BPTF: variants seen among roughly 807,000 people sequenced by gnomAD.
BPTF encodes bromodomain PHD finger transcription factor.
BPTF carries 18 observed loss-of-function variants against 292.5 expected under a neutral mutation model. The observed-to-expected ratio is 0.06, with a 90% confidence interval of 0.04 to 0.09. The LOEUF is 0.09. BPTF is among the 10% of genes least tolerant of loss of function. The pLI, the probability that BPTF is intolerant of heterozygous loss-of-function variation, is 1.00. For synonymous variants in BPTF, 1,225 were observed against 1,251.9 expected, an observed-to-expected ratio of 0.98 and a Z score of 0.45; for missense variants, 2,726 against 3,498.7, an observed-to-expected ratio of 0.78 and a Z score of 5.57.
chr17:67,848,798 A>G (rs1391881180), intron 1 of BPTF, among the ~76,000 whole-genome samples: 1 of 152,186 alleles, frequency 6.6e-6, no homozygotes, highest in African/African-American at 2.4e-5. Flanking sequence ...GAATACCTAT[A>G]CATTGTAACA....
chr17:67,961,234 C>T (rs1235697681), intron 24 of BPTF, among the ~76,000 whole-genome samples: 3 of 152,158 alleles, frequency 2.0e-5, no homozygotes, highest in Admixed American at 6.5e-5. Flanking sequence ...CACACAGATA[C>T]ATGTGCCCAT....
chr17:67,928,335 C>G lies in BPTF; in HGVS notation c.5752-20C>G. The G allele has an allele frequency of 6.3e-7, 1 of 1,585,130 alleles. No individual in the cohort carries two copies. ...TTTAGAACTATTTTGATTCATGTTT[C>G]CTCTCCTTCACTTTTTTAGAAACGA... On this transcript the variant is annotated intron_variant, in intron 15 of 27. Transcript: ENST00000306378.
rs189859209 is a variant in BPTF, at chr17:67,967,547, C to T, written c.8539+891C>T. Among the ~76,000 whole-genome samples the T allele has an allele frequency of 8.6e-5, 13 of 150,548 alleles. No homozygotes were observed. The East Asian group carries it at 2.2e-3, about 26-fold the overall frequency. ...ATAATTACAAAAACATTGGAAATGG[C>T]GGGGTGGCTCACGCTGGAATCCCAG... On this transcript the variant is annotated intron_variant, in intron 26 of 27. Transcript: ENST00000306378.
Position 67,945,570 on chromosome 17 carries a change from C to A in BPTF, c.6862C>A (p.Pro2288Thr). The part of the protein sequence containing the change: ...QPQPQTQPQS[P>T]AQPEVQTQPE... ...CCAGCCCCAAACCCAGCCCCAGTCC[C>A]CAGCTCAGCCTGAAGTTCAGACTCA... Residue 2288 changes from proline to threonine, a missense_variant, in exon 21 of 28, where the codon CCA becomes ACA. Pro to Thr is a conservative substitution (Grantham distance 38). Transcript: ENST00000306378. 6.2e-7 allele frequency: 1 copy of A among 1,611,152 alleles called. No homozygotes were observed. The highest frequency in any genetic ancestry group is 8.5e-7 in the Non-Finnish European group (1 of 1,178,572).
chr17:67,834,286 A>G (rs2056957290), intron 1 of BPTF, among the ~76,000 whole-genome samples: 1 of 152,194 alleles, frequency 6.6e-6, no homozygotes, highest in Non-Finnish European at 1.5e-5. Flanking sequence ...TATACTTTGT[A>G]TGACTTTAAT....
intron 26 of BPTF, among the ~76,000 whole-genome samples, chr17:67,971,920 G>A (rs1415805901): frequency 6.6e-6 from 1 of 151,774 alleles, no homozygotes; most frequent in African/African-American, 2.4e-5. Flanking sequence ...TTCTGTCTGC[G>A]CTATTGGAAA....
At chr17:67,932,162 C>T (rs1466216091) in intron 18 of BPTF, 143 bp downstream of exon 18, 12 of 680,384 alleles carry the variant, frequency 1.8e-5, no homozygotes, top group Non-Finnish European at 2.7e-5. Context: ...CCATTGTGAG[C>T]TCTATTCATT....
At chr17:67,887,788 T>A (rs528656844) in intron 4 of BPTF, among the ~76,000 whole-genome samples, 1 of 152,302 alleles carries the variant, frequency 6.6e-6, no homozygotes, top group African/African-American at 2.4e-5. Flanking sequence ...CTACATATAT[T>A]TATGTGTGTT....
At chr17:67,890,071 C>G (rs1033327380) in intron 4 of BPTF, among the ~76,000 whole-genome samples, 10 of 152,162 alleles carry the variant, frequency 6.6e-5, no homozygotes, top group African/African-American at 2.4e-4. Context: ...GTAGAAATTT[C>G]TAGACCTACT....
intron 21 of BPTF, among the ~76,000 whole-genome samples, chr17:67,947,377 T>C (rs1308383377): frequency 3.9e-5 from 6 of 152,188 alleles, no homozygotes; most frequent in Non-Finnish European, 7.4e-5. Context: ...ATACGGCCTT[T>C]GGAGAAGGAT....
chr17:67,981,629 A>G, intron 27 of BPTF: 1 of 1,028,436 alleles, frequency 9.7e-7, no homozygotes, highest in Non-Finnish European at 1.2e-6. Flanking sequence ...TGAACAATGT[A>G]TTTAAAAATT....
intron 9 of BPTF, among the ~76,000 whole-genome samples, chr17:67,909,250 A>C: frequency 6.7e-6 from 1 of 148,202 alleles, no homozygotes; most frequent in South Asian, 2.2e-4. Flanking sequence ...GTGCAGTGGC[A>C]TGAGCCACCG....
intron 3 of BPTF, among the ~76,000 whole-genome samples, chr17:67,869,248 A>G (rs1365077680): frequency 6.6e-6 from 1 of 152,188 alleles, no homozygotes; most frequent in African/African-American, 2.4e-5. Context: ...TTTATAAAGT[A>G]CATTGAATTA....
intron 19 of BPTF, among the ~76,000 whole-genome samples, chr17:67,943,097 T>A (rs1248224475): frequency 1.3e-5 from 2 of 152,120 alleles, no homozygotes; most frequent in East Asian, 3.8e-4. Flanking sequence ...GTGAGGATAG[T>A]GCTTACCTCT....
intron 26 of BPTF, among the ~76,000 whole-genome samples, chr17:67,968,560 C>T (rs543044671): frequency 3.3e-5 from 5 of 151,246 alleles, no homozygotes; most frequent in African/African-American, 1.2e-4. Context: ...GGGTGGATCA[C>T]GAGGTCAGGA....
chr17:67,928,709 C>T (rs2064120179), intron 16 of BPTF, 108 bp downstream of exon 16: 5 of 1,348,732 alleles, frequency 3.7e-6, no homozygotes, highest in South Asian at 1.6e-5. Flanking sequence ...TTTTCTTTTG[C>T]AGCCAGTTGA....
chr17:67,911,315 A>T lies in BPTF; in HGVS notation c.3431A>T (p.Asp1144Val), dbSNP rs755644633. The T allele has an allele frequency of 2.5e-6, 4 of 1,614,142 alleles. No individual in the cohort carries two copies. In the South Asian group the frequency reaches 4.4e-5, roughly 18 times the overall value. Residue 1144 changes from aspartate (D) to valine (V), a missense_variant, in exon 11 of 28, where the codon GAT becomes GTT. Transcript: ENST00000306378. Reference sequence around the variant, plus strand: ...TTGATTCAGGGATGTTCAGAAAGTGATTCCTCAGTTCTTAGAATGAGTGAT... The same window carrying T: ...TTGATTCAGGGATGTTCAGAAAGTGTTTCCTCAGTTCTTAGAATGAGTGAT... ...EDLIQGCSES[D>V]SSVLRMSDPS...
At chr17:67,929,796 C>T (rs998868121) in intron 17 of BPTF, among the ~76,000 whole-genome samples, 4 of 152,218 alleles carry the variant, frequency 2.6e-5, no homozygotes, top group Non-Finnish European at 5.9e-5. Context: ...CGGAAGTGTG[C>T]TGTGCAGGCT....
chr17:67,963,733 G>A (rs1381626482), intron 24 of BPTF, among the ~76,000 whole-genome samples: 4 of 152,104 alleles, frequency 2.6e-5, no homozygotes, highest in Non-Finnish European at 5.9e-5. Context: ...GTGGTTTAAT[G>A]GTAGATTTGA....
Sources: gnomAD v4.1 joint callset for allele counts (sites outside exome capture counted in the v4.1 genomes callset) on GRCh38, gnomAD v4.1.1 for gene constraint, MANE v1.5 for transcripts, NCBI Gene and HGNC (gene_info 2026-07-23, HGNC 2026-07-21) for gene names.